The following FSTL5 variants were observed in gnomAD, a reference collection of about 807,000 sequenced individuals.
FSTL5 encodes follistatin-related protein 5.
In FSTL5, 62 loss-of-function variants were observed where a neutral mutation model predicts 89.1. The observed-to-expected ratio is 0.70, with a 90% confidence interval of 0.57 to 0.86. FSTL5 has a LOEUF of 0.86. FSTL5 is among the 40% of genes least tolerant of loss of function. The pLI is 0.00. For synonymous variants in FSTL5, 383 were observed against 346.2 expected, an observed-to-expected ratio of 1.11 and a Z score of -1.18; for missense variants, 1,057 against 1,001.6, an observed-to-expected ratio of 1.06 and a Z score of -0.75.
chr4:161,888,634 T>C (rs1426815919), intron 4 of FSTL5, among the ~76,000 whole-genome samples: 1 of 152,116 alleles, frequency 6.6e-6, no homozygotes, highest in Non-Finnish European at 1.5e-5. Context: ...TCAAACATAA[T>C]GAATATTCTA....
chr4:161,541,621 A>G (rs1012876334), intron 9 of FSTL5, among the ~76,000 whole-genome samples: 1 of 152,052 alleles, frequency 6.6e-6, no homozygotes, highest in Non-Finnish European at 1.5e-5. Context: ...GAAGTTTTAA[A>G]AAGTTTTATT....
At chr4:162,159,895 A>G (rs1018469990) in intron 1 of FSTL5, among the ~76,000 whole-genome samples, 4 of 151,860 alleles carry the variant, frequency 2.6e-5, no homozygotes, top group African/African-American at 4.8e-5. Context: ...TTTTAATGCC[A>G]AAAAAACTGG....
chr4:161,536,656 T>C (rs1171326471), intron 10 of FSTL5, among the ~76,000 whole-genome samples: 5 of 152,144 alleles, frequency 3.3e-5, no homozygotes, highest in Admixed American at 6.6e-5. Flanking sequence ...TTGTCGAAAA[T>C]TTAATCCTGT....
chr4:161,677,486 C>T (rs577048918), intron 6 of FSTL5, among the ~76,000 whole-genome samples: 23 of 152,020 alleles, frequency 1.5e-4, no homozygotes, highest in African/African-American at 5.5e-4. Flanking sequence ...GAATGTCTGC[C>T]TGTTTGTGTG....
In FSTL5 at chr4:161,779,758, GTTATATATATATATATGT is replaced by G. The variant is rs1560840570; in HGVS notation, c.410-3702_410-3685del. ...AATTTGTCCAAGGATTATTTGTAAA[GTTATATATATATATATGT>G]ATATATATATATATATATATATATA... On this transcript the variant is annotated intron_variant, in intron 4 of 15. Coordinates refer to ENST00000306100, the MANE Select transcript of FSTL5 (RefSeq NM_020116.5). 3.2e-3 allele frequency among the ~76,000 whole-genome samples: 78 copies of G among 24,024 alleles called. 2 individuals carry two copies. Among genetic ancestry groups the G allele is most frequent in the African/African-American group, 0.019 (74 of 3,842 alleles). The allele number at this position is 24,024 out of a possible 152,430, so 15.8% of individuals were successfully genotyped here. A position where few individuals can be genotyped will look rare whatever the true frequency, so the allele number is the denominator to read the frequency against.
At chr4:161,977,421 C>A (rs1383992316) in intron 3 of FSTL5, among the ~76,000 whole-genome samples, 1 of 151,326 alleles carries the variant, frequency 6.6e-6, no homozygotes, top group African/African-American at 2.4e-5. Flanking sequence ...GACCATCCTG[C>A]CTAACACGAT....
intron 8 of FSTL5, among the ~76,000 whole-genome samples, chr4:161,584,910 G>A (rs1435311783): frequency 2.0e-5 from 3 of 152,078 alleles, no homozygotes; most frequent in East Asian, 1.9e-4. Flanking sequence ...GTGAGATATC[G>A]GTTCAGGGAC....
intron 4 of FSTL5, among the ~76,000 whole-genome samples, chr4:161,836,401 A>G (rs1731042411): frequency 6.6e-6 from 1 of 151,764 alleles, no homozygotes; most frequent in Admixed American, 6.6e-5. Flanking sequence ...ACATGTATAC[A>G]TATGTAACTA....
chr4:161,702,070 C>G (rs34971441), intron 6 of FSTL5, among the ~76,000 whole-genome samples: 1 of 151,786 alleles, frequency 6.6e-6, no homozygotes, highest in Admixed American at 6.6e-5. Flanking sequence ...ACATGGGTAC[C>G]ATTAATGGGA....
At chr4:161,688,635 T>C (rs566511308) in intron 6 of FSTL5, among the ~76,000 whole-genome samples, 7 of 152,338 alleles carry the variant, frequency 4.6e-5, no homozygotes, top group African/African-American at 1.7e-4. Context: ...GTTTCTCATT[T>C]ATAGAAATAT....
chr4:161,777,260 T>TAC (rs1553965051), intron 4 of FSTL5, among the ~76,000 whole-genome samples: 7 of 149,506 alleles, frequency 4.7e-5, no homozygotes, highest in African/African-American at 9.8e-5. Flanking sequence ...TATATATATA[T>TAC]ACACACACCA....
At chr4:162,063,139 C>T (rs1437612521) in intron 2 of FSTL5, among the ~76,000 whole-genome samples, 3 of 151,660 alleles carry the variant, frequency 2.0e-5, no homozygotes, top group Non-Finnish European at 4.4e-5. Flanking sequence ...CTGGGTTTAG[C>T]CTTTTAATTA....
At chr4:161,901,433 G>A (rs992874869) in intron 4 of FSTL5, among the ~76,000 whole-genome samples, 2 of 152,082 alleles carry the variant, frequency 1.3e-5, no homozygotes, top group Non-Finnish European at 2.9e-5. Flanking sequence ...GAGCAGAGAG[G>A]GGGAGTGATA....
At chr4:162,079,732 C>A (rs111540041) in intron 2 of FSTL5, among the ~76,000 whole-genome samples, 1 of 151,232 alleles carries the variant, frequency 6.6e-6, no homozygotes, top group Non-Finnish European at 1.5e-5. Context: ...AGGCTCAATT[C>A]ACTCAAGAAA....
At chr4:161,679,334 G>T (rs188553631) in intron 6 of FSTL5, among the ~76,000 whole-genome samples, 1 of 151,380 alleles carries the variant, frequency 6.6e-6, no homozygotes, top group Non-Finnish European at 1.5e-5. Context: ...TTTTTCATGC[G>T]TTGCAGGTTT....
intron 4 of FSTL5, among the ~76,000 whole-genome samples, chr4:161,779,359 G>C (rs550137328): frequency 6.6e-4 from 101 of 152,184 alleles, no homozygotes; most frequent in Middle Eastern, 3.4e-3. Context: ...GAATTTATTA[G>C]TTTAGAAAAT....
At position 162,036,360 on chromosome 4, in the gene FSTL5, C is replaced by T. The variant is rs532505348; in HGVS notation, c.127-2702G>A. Among the ~76,000 whole-genome samples, 11 of 152,102 alleles carry T rather than the reference C, an allele frequency of 7.2e-5. No individual in the cohort carries two copies. In the East Asian group the frequency reaches 1.7e-3, roughly 24 times the overall value. On this transcript the variant is annotated intron_variant, in intron 2 of 15. Transcript: ENST00000306100. ...CTAGTCGTGCATATCCTTAGTGTCA[C>T]CCTGTGTTACTCTGTCTCTTGAGAG...
rs549013284 is a variant in FSTL5 at position 161,649,958 on chromosome 4, C to T, written c.894+6370G>A. Among the ~76,000 whole-genome samples the T allele has an allele frequency of 3.0e-4, 45 of 152,300 alleles. No homozygotes were observed. The East Asian group carries it at 7.9e-3, about 27-fold the overall frequency. On this transcript the variant is annotated intron_variant, in intron 7 of 15. Transcript: ENST00000306100. ...CTGAGATTACCTTGTGGATGGAAGCCATGGTCTTGGAATGCTAGAGAAAAA... is the reference window on the plus strand; with the variant it reads ...CTGAGATTACCTTGTGGATGGAAGCTATGGTCTTGGAATGCTAGAGAAAAA...
At chr4:161,589,172 G>A (rs1469763720) in intron 7 of FSTL5, among the ~76,000 whole-genome samples, 1 of 150,932 alleles carries the variant, frequency 6.6e-6, no homozygotes, top group Non-Finnish European at 1.5e-5. Flanking sequence ...GTTTTTGTTT[G>A]TTTGTTTGTT....
Sources: gnomAD v4.1 joint callset for allele counts (sites outside exome capture counted in the v4.1 genomes callset) on GRCh38, gnomAD v4.1.1 for gene constraint, MANE v1.5 for transcripts, NCBI Gene and HGNC (gene_info 2026-07-23, HGNC 2026-07-21) for gene names.